COL11A1: variants seen among roughly 807,000 people sequenced by gnomAD.
The protein encoded by COL11A1 is collagen alpha-1(XI) chain.
In COL11A1, 74 loss-of-function variants were observed where a neutral mutation model predicts 265.2. The ratio of observed to expected loss-of-function variants is 0.28; its 90% CI spans 0.23 to 0.34. The LOEUF (loss-of-function observed/expected upper bound fraction) is 0.34, where lower values mean the gene tolerates loss of function less well. COL11A1 is among the 10% of genes least tolerant of loss of function. The probability of loss-of-function intolerance (pLI) is 1.00; values close to 1 mark genes in which losing one functional copy is unlikely to be tolerated. For synonymous variants in COL11A1, 816 were observed against 727.6 expected (o/e 1.12, Z -1.96); for missense variants, 2,165 against 2,263.6 (o/e 0.96, Z 0.88).
rs760058965 is a variant in COL11A1, at chr1:103,074,729, A to G, written c.540T>C (p.Val180=). 1 of 1,613,340 alleles carries G rather than the reference A, an allele frequency of 6.2e-7. No homozygotes were observed. The highest frequency in any genetic ancestry group is 1.1e-5 in the South Asian group (1 of 91,074). Residue 180 remains valine (V), a synonymous_variant, in exon 4 of 67, where the codon GTT becomes GTC. Coordinates refer to ENST00000370096, the MANE Select transcript of COL11A1 (RefSeq NM_001854.4). ...GTTTCGTGGTTTTCTTCTTACAATC[A>G]ACAATCATTGTCACAGTTTTCTTCT... ...SVEKKTVTMI[V]DCKKKTTKPL...
chr1:103,004,659 A>G lies in COL11A1; in HGVS notation c.1848T>C (p.Gly616=). Residue 616 remains glycine (G), a splice_region_variant and synonymous_variant, in exon 19 of 67, where the codon GGT becomes GGC. Coordinates refer to ENST00000370096, the MANE Select transcript of COL11A1 (RefSeq NM_001854.4). ...CTGGAGGACCTTGAGGACCTCGTTC[A>G]CCCTGTTAAATCAATACAAATAAGA... ...PGLPGDKGHR[G]ERGPQGPPGP... The G allele has an allele frequency of 6.2e-7, 1 of 1,609,386 alleles. No homozygotes were observed. The highest frequency in any genetic ancestry group is 8.5e-7 in the Non-Finnish European group (1 of 1,177,552).
At chr1:103,021,380 T>C (rs1205195077) in intron 9 of COL11A1, among the ~76,000 whole-genome samples, 1 of 152,146 alleles carries the variant, frequency 6.6e-6, no homozygotes, top group East Asian at 1.9e-4. Context: ...AGTCCTATTA[T>C]ATCTCATTGA....
At chr1:102,907,835 A>G (rs1654175387) in intron 54 of COL11A1, among the ~76,000 whole-genome samples, 1 of 152,088 alleles carries the variant, frequency 6.6e-6, no homozygotes, top group South Asian at 2.1e-4. Context: ...TATATTGTCT[A>G]CAGTTATTAT....
intron 1 of COL11A1, among the ~76,000 whole-genome samples, chr1:103,097,933 C>A (rs150287835): frequency 6.6e-6 from 1 of 151,972 alleles, no homozygotes; most frequent in East Asian, 1.9e-4. Context: ...TTTTTTATAT[C>A]ATAAAAGCTT....
chr1:102,931,307 G>A (rs1657408457), intron 46 of COL11A1, among the ~76,000 whole-genome samples: 1 of 150,658 alleles, frequency 6.6e-6, no homozygotes, highest in African/African-American at 2.4e-5. Context: ...TGTTCTCATT[G>A]GTTTCAAAGA....
At chr1:102,939,148 TATC>T (rs1363629265) in intron 43 of COL11A1, 60 bp from the exon 44 acceptor site, 6 of 1,400,886 alleles carry the variant, frequency 4.3e-6, no homozygotes, top group Admixed American at 1.7e-5. Flanking sequence ...TTGTCTTAAT[TATC>T]ATCAAACAGT....
intron 54 of COL11A1, among the ~76,000 whole-genome samples, chr1:102,904,797 C>T (rs1168289871): frequency 6.6e-6 from 1 of 151,952 alleles, no homozygotes; most frequent in Non-Finnish European, 1.5e-5. Flanking sequence ...CTAGTTCAAC[C>T]ATTGTGGAAG....
chr1:102,957,300 CAT>C (rs759690597), intron 41 of COL11A1, among the ~76,000 whole-genome samples: 5 of 152,000 alleles, frequency 3.3e-5, no homozygotes, highest in Non-Finnish European at 7.4e-5. Flanking sequence ...AGATTAGAGT[CAT>C]ATAGTAAGGA....
At chr1:102,930,119 C>T (rs1341174525) in intron 46 of COL11A1, among the ~76,000 whole-genome samples, 1 of 152,186 alleles carries the variant, frequency 6.6e-6, no homozygotes, top group East Asian at 1.9e-4. Flanking sequence ...CCAGAACTTT[C>T]AACACTATGT....
At chr1:102,907,818 A>G (rs1654173067) in intron 54 of COL11A1, among the ~76,000 whole-genome samples, 1 of 152,066 alleles carries the variant, frequency 6.6e-6, no homozygotes, top group Non-Finnish European at 1.5e-5. Flanking sequence ...ATATACTTCA[A>G]TTAACTTATA....
At chr1:103,018,020 T>C (rs1393035499) in intron 10 of COL11A1, 138 bp from the exon 11 acceptor site, 9 of 779,100 alleles carry the variant, frequency 1.2e-5, no homozygotes, top group Non-Finnish European at 2.0e-5. Flanking sequence ...CCTATTTATC[T>C]TCCTGTGAAA....
intron 35 of COL11A1, among the ~76,000 whole-genome samples, chr1:102,975,370 A>C (rs887721936): frequency 6.6e-6 from 1 of 152,116 alleles, no homozygotes; most frequent in African/African-American, 2.4e-5. Flanking sequence ...TGACTATCTC[A>C]AAAAGACCAC....
intron 31 of COL11A1, among the ~76,000 whole-genome samples, chr1:102,982,409 T>C (rs1663124102): frequency 6.6e-6 from 1 of 152,010 alleles, no homozygotes; most frequent in Non-Finnish European, 1.5e-5. Flanking sequence ...ACTTAATAAA[T>C]AGATCAAGAA....
chr1:103,056,782 G>A (rs115914036), intron 4 of COL11A1, among the ~76,000 whole-genome samples: 485 of 152,160 alleles, frequency 3.2e-3, no homozygotes, highest in Admixed American at 6.0e-3. Flanking sequence ...CAGTTTCTCA[G>A]TACATATAAA....
chr1:103,058,734 A>C (rs1670427198), intron 4 of COL11A1, among the ~76,000 whole-genome samples: 1 of 152,190 alleles, frequency 6.6e-6, no homozygotes, highest in Admixed American at 6.5e-5. Context: ...CCAGTTGAGC[A>C]GTCAGAACAC....
chr1:103,069,401 A>T (rs979457995), intron 4 of COL11A1, among the ~76,000 whole-genome samples: 11 of 151,774 alleles, frequency 7.2e-5, no homozygotes, highest in Non-Finnish European at 1.5e-4. Flanking sequence ...TCATACACAA[A>T]TATTAACTCA....
intron 41 of COL11A1, among the ~76,000 whole-genome samples, chr1:102,949,647 A>G (rs1459203758): frequency 2.6e-5 from 4 of 152,196 alleles, no homozygotes; most frequent in Non-Finnish European, 5.9e-5. Context: ...TTATTGCTGT[A>G]TGACTTGTAT....
At chr1:102,931,236 A>G (rs1188360551) in intron 46 of COL11A1, among the ~76,000 whole-genome samples, 1 of 151,024 alleles carries the variant, frequency 6.6e-6, no homozygotes, top group East Asian at 1.9e-4. Context: ...ATTTAGTGCT[A>G]TAAATTTCCC....
At chr1:103,098,674 A>G (rs1023476587) in intron 1 of COL11A1, among the ~76,000 whole-genome samples, 9 of 151,844 alleles carry the variant, frequency 5.9e-5, no homozygotes, top group Admixed American at 2.0e-4. Flanking sequence ...TGCTTTCATT[A>G]TACCATCAAA....
Sources: allele counts gnomAD v4.1 joint callset (sites outside exome capture counted in the v4.1 genomes callset), GRCh38; gene constraint gnomAD v4.1.1; transcripts MANE v1.5; gene names NCBI Gene and HGNC (gene_info 2026-07-23, HGNC 2026-07-21).